ADGRV1: variants seen among roughly 807,000 people sequenced by gnomAD.
ADGRV1 encodes adhesion G protein-coupled receptor V1, also known as G-protein coupled receptor 98.
In ADGRV1, 359 loss-of-function variants were observed where a neutral mutation model predicts 596.2. That is an observed-to-expected ratio of 0.60 (90% CI 0.55 to 0.66). ADGRV1 has a LOEUF of 0.66. ADGRV1 is among the 30% of genes least tolerant of loss of function. The pLI, the probability that ADGRV1 is intolerant of heterozygous loss-of-function variation, is 0.00. For synonymous variants in ADGRV1, 2,681 were observed against 2,679.2 expected (o/e 1.00, Z -0.02); for missense variants, 7,274 against 7,575.6 (o/e 0.96, Z 1.48).
Position 90,629,291 on chromosome 5 carries a change from A to G in ADGRV1, c.1591A>G (p.Ser531Gly), listed in dbSNP as rs1341864707. ...FPMENQKIES[S>G]PGERYLSLSF... Reference sequence around the variant, plus strand: ...TATGGAAAACCAGAAGATTGAAAGCAGCCCAGGTGAACGATACTTATCCTT... The same window carrying G: ...TATGGAAAACCAGAAGATTGAAAGCGGCCCAGGTGAACGATACTTATCCTT... The change falls in exon 9 of 90, where the codon AGC (serine) becomes GGC (glycine). Residue 531 changes from serine to glycine, a missense_variant. This residue lies in a region of ADGRV1 where 1,715 missense variants were observed against 1,708.8 expected (regional missense o/e 1.00). Transcript: ENST00000405460. 1 of 1,613,392 alleles carries G rather than the reference A, an allele frequency of 6.2e-7. No individual in the cohort carries two copies. The highest frequency in any genetic ancestry group is 8.5e-7 in the Non-Finnish European group (1 of 1,179,670).
chr5:90,965,274 C>A (rs1778351282), intron 83 of ADGRV1, 141 bp from the exon 84 acceptor site: 3 of 612,572 alleles, frequency 4.9e-6, no homozygotes, highest in Non-Finnish European at 8.9e-6. Flanking sequence ...GACTCTTAGT[C>A]ATATCAGTTT....
At chr5:90,851,685 A>G (rs564892245) in intron 79 of ADGRV1, among the ~76,000 whole-genome samples, 5 of 152,326 alleles carry the variant, frequency 3.3e-5, no homozygotes, top group African/African-American at 7.2e-5. Flanking sequence ...CAACTTAGGT[A>G]TAAAGCAGAC....
chr5:90,762,862 G>A (rs1382483225), intron 58 of ADGRV1: 1 of 153,248 alleles, frequency 6.5e-6, no homozygotes, highest in South Asian at 2.1e-4. Flanking sequence ...TGCCCAGTTG[G>A]CTGATGCTTA....
chr5:90,706,172 G>A, intron 37 of ADGRV1, 59 bp from the exon 38 acceptor site: 3 of 1,479,380 alleles, frequency 2.0e-6, no homozygotes, highest in Non-Finnish European at 2.7e-6. Context: ...AATTCACAAG[G>A]GGATATTATT....
At chr5:91,016,848 T>C (rs1048999164) in intron 85 of ADGRV1, among the ~76,000 whole-genome samples, 2 of 151,908 alleles carry the variant, frequency 1.3e-5, no homozygotes, top group African/African-American at 2.4e-5. Flanking sequence ...TCCCTGATAT[T>C]AATCCTTGGT....
At chr5:90,942,130 C>T (rs1254067841) in intron 83 of ADGRV1, among the ~76,000 whole-genome samples, 1 of 152,204 alleles carries the variant, frequency 6.6e-6, no homozygotes, top group Non-Finnish European at 1.5e-5. Flanking sequence ...GACTCATTGA[C>T]ACCGTACATT....
chr5:90,609,556 C>T (rs1173127368), intron 1 of ADGRV1, among the ~76,000 whole-genome samples: 1 of 151,564 alleles, frequency 6.6e-6, no homozygotes, highest in African/African-American at 2.4e-5. Context: ...ACAAATAAGA[C>T]AGATTAAGAA....
Position 90,784,051 on chromosome 5 carries a change from G to C in ADGRV1, c.13647G>C (p.Glu4549Asp). Reference protein sequence around the residue: ...VLERTGGLLGEIQVNWETVGP... With the variant: ...VLERTGGLLGDIQVNWETVGP... ...AGCGGACTGGAGGACTCTTGGGAGAGATTCAGGTAGATTTATGTTCCCCAT... is the reference window on the plus strand; with the variant it reads ...AGCGGACTGGAGGACTCTTGGGAGACATTCAGGTAGATTTATGTTCCCCAT... Residue 4549 changes from glutamate (E) to aspartate (D), a missense_variant, in exon 67 of 90, where the codon GAG becomes GAC. By Grantham distance (45) the Glu-to-Asp change is conservative (BLOSUM62 2). This residue lies in a region of ADGRV1 where 3,643 missense variants were observed against 3,809.2 expected (regional missense o/e 0.96). Coordinates refer to ENST00000405460, the MANE Select transcript of ADGRV1 (RefSeq NM_032119.4). The C allele has an allele frequency of 6.2e-7, 1 of 1,600,066 alleles. No homozygotes were observed. Among genetic ancestry groups the C allele is most frequent in the Non-Finnish European group, 8.5e-7 (1 of 1,170,030 alleles).
chr5:90,970,540 G>C (rs10079051), intron 84 of ADGRV1, among the ~76,000 whole-genome samples: 55,101 of 124,374 alleles, frequency 0.44, 14,179 homozygotes, highest in African/African-American at 0.66. Flanking sequence ...GAGGAACGAT[G>C]AGGCAGCAAC....
At chr5:90,931,887 T>C (rs912853962) in intron 83 of ADGRV1, among the ~76,000 whole-genome samples, 3 of 152,170 alleles carry the variant, frequency 2.0e-5, no homozygotes, top group African/African-American at 7.2e-5. Context: ...CCCTAAAATC[T>C]GAAAACTTAA....
chr5:91,132,293 G>A (rs1180209544), intron 87 of ADGRV1, among the ~76,000 whole-genome samples: 3 of 152,018 alleles, frequency 2.0e-5, no homozygotes, highest in Non-Finnish European at 2.9e-5. Context: ...TAATTAGAAG[G>A]TCCTTGGAAT....
intron 45 of ADGRV1, among the ~76,000 whole-genome samples, chr5:90,724,201 A>G (rs1402974142): frequency 6.6e-6 from 1 of 152,148 alleles, no homozygotes; most frequent in African/African-American, 2.4e-5. Context: ...CATGTTCTGC[A>G]TATTTCCCTT....
chr5:90,634,418 A>G (rs1042773988), intron 9 of ADGRV1, among the ~76,000 whole-genome samples: 1 of 152,232 alleles, frequency 6.6e-6, no homozygotes, highest in Non-Finnish European at 1.5e-5. Flanking sequence ...AAAATCTGGA[A>G]TGAATCAAAT....
intron 34 of ADGRV1, among the ~76,000 whole-genome samples, chr5:90,697,461 G>A (rs562091329): frequency 6.8e-5 from 10 of 147,654 alleles, no homozygotes; most frequent in Admixed American, 4.0e-4. Flanking sequence ...TCTTTGTGAG[G>A]ATTAAATGAG....
At chr5:90,824,161 C>T (rs986543976) in intron 76 of ADGRV1, among the ~76,000 whole-genome samples, 5 of 152,144 alleles carry the variant, frequency 3.3e-5, no homozygotes, top group African/African-American at 1.2e-4. Flanking sequence ...ATTTTTATTA[C>T]TTACTAAGTG....
Position 90,606,247 on chromosome 5 carries a change from G to A in ADGRV1, c.23-8588G>A, listed in dbSNP as rs542263955. On this transcript the variant is annotated intron_variant, in intron 1 of 89. Coordinates refer to ENST00000405460, the MANE Select transcript of ADGRV1 (RefSeq NM_032119.4). The stretch of plus-strand genomic sequence containing the variant: ...ATCTGACAAAACTAAATAAGGCAAG[G>A]GAGGATGAAGAGAGTCTCTTGCTTT... Among the ~76,000 whole-genome samples the A allele has an allele frequency of 2.0e-5, 3 of 152,296 alleles. No individual in the cohort carries two copies. In the East Asian group the frequency reaches 5.8e-4, roughly 29 times the overall value.
Position 90,729,645 on chromosome 5 carries a change from A to G in ADGRV1, c.10430A>G (p.Asp3477Gly). 1 of 1,602,132 alleles carries G rather than the reference A, an allele frequency of 6.2e-7. No individual in the cohort carries two copies. Among genetic ancestry groups the G allele is most frequent in the Non-Finnish European group, 8.5e-7 (1 of 1,171,058 alleles). ...LIFAENVFLG[D>G]QNSIDIFIWE... ...GACTTCTATTTCATTATTGCAGGAG[A>G]TCAGAATTCAATTGATATTTTCATC... is the stretch of plus-strand genomic sequence containing the variant. The change falls in exon 50 of 90, where the codon GAT becomes GGT. Residue 3477 changes from aspartate (D) to glycine (G), a missense_variant. Transcript: ENST00000405460.
intron 83 of ADGRV1, among the ~76,000 whole-genome samples, chr5:90,954,222 T>G (rs1365993040): frequency 6.8e-6 from 1 of 146,568 alleles, no homozygotes; most frequent in Non-Finnish European, 1.5e-5. Context: ...AGCCTGTGGG[T>G]GAGAGTGGGG....
At chr5:91,105,379 T>G (rs1791766415) in intron 87 of ADGRV1, among the ~76,000 whole-genome samples, 1 of 152,214 alleles carries the variant, frequency 6.6e-6, no homozygotes, top group Non-Finnish European at 1.5e-5. Flanking sequence ...GGATCATATG[T>G]AGTTCTATTG....
Sources: allele counts gnomAD v4.1 joint callset (sites outside exome capture counted in the v4.1 genomes callset), GRCh38; gene constraint gnomAD v4.1.1; regional missense constraint gnomAD v4.1.1; transcripts MANE v1.5; gene names NCBI Gene and HGNC (gene_info 2026-07-23, HGNC 2026-07-21).